TMPRSS7: variants seen among roughly 807,000 people sequenced by gnomAD.
TMPRSS7 encodes the protein transmembrane serine protease 7.
In TMPRSS7, 81 loss-of-function variants were observed where a neutral mutation model predicts 95.6. The ratio of observed to expected loss-of-function variants is 0.85; its 90% CI spans 0.71 to 1.02. The LOEUF (loss-of-function observed/expected upper bound fraction) is 1.02. Ranked by LOEUF, TMPRSS7 falls within the 50% of genes least tolerant of loss-of-function variation. The probability of loss-of-function intolerance (pLI) is 0.00; values close to 1 mark genes in which losing one functional copy is unlikely to be tolerated. For synonymous variants in TMPRSS7, 364 were observed against 337.8 expected (o/e 1.08, Z -0.85); for missense variants, 945 against 955.2 (o/e 0.99, Z 0.14).
intron 15 of TMPRSS7, 48 bp from the exon 16 acceptor site, chr3:112,076,828 T>C (rs2073714875): frequency 6.3e-7 from 1 of 1,589,156 alleles, no homozygotes; most frequent in Non-Finnish European, 8.6e-7. Context: ...GCAAACTGTA[T>C]GTGGTTCTTT....
chr3:112,080,489 T>G (rs994157006), intron 17 of TMPRSS7, among the ~76,000 whole-genome samples: 1 of 152,034 alleles, frequency 6.6e-6, no homozygotes, highest in Admixed American at 6.5e-5. Flanking sequence ...TCTAAACGAT[T>G]CTTAGCACAT....
intron 17 of TMPRSS7, among the ~76,000 whole-genome samples, chr3:112,079,728 T>TA (rs975596857): frequency 6.6e-6 from 1 of 152,176 alleles, no homozygotes; most frequent in African/African-American, 2.4e-5. Context: ...ACTCATCCTA[T>TA]AATAATGACT....
Position 112,063,575 on chromosome 3 carries a change from G to GC in TMPRSS7, c.1501dup (p.Gln501ProfsTer4). The GC allele has an allele frequency of 6.2e-7, 1 of 1,614,060 alleles. No individual in the cohort carries two copies. Among genetic ancestry groups the GC allele is most frequent in the Non-Finnish European group, 8.5e-7 (1 of 1,179,982 alleles). On this transcript the variant is annotated frameshift_variant, in exon 12 of 18. Coordinates refer to ENST00000452346, the Ensembl canonical transcript of TMPRSS7. LOFTEE classifies it high-confidence loss of function. ...CTCCTCCGGTTTATGTGTCCCTCAGGCCCAGCGTTGTGATGGAGTAAATGA... is the reference window on the plus strand; with the variant it reads ...CTCCTCCGGTTTATGTGTCCCTCAGGCCCCAGCGTTGTGATGGAGTAAATGA...
chr3:112,080,789 A>T, intron 17 of TMPRSS7, 125 bp from the exon 18 acceptor site: 1 of 839,536 alleles, frequency 1.2e-6, no homozygotes, highest in Non-Finnish European at 1.7e-6. Context: ...CAAATTACAG[A>T]GTGATTAGCC....
At chr3:112,072,253 T>C (rs969722375) in intron 13 of TMPRSS7, among the ~76,000 whole-genome samples, 3 of 152,246 alleles carry the variant, frequency 2.0e-5, no homozygotes, top group African/African-American at 4.8e-5. Context: ...CTCCAGATGC[T>C]GTTTTCCTGG....
rs980685387 is a variant in TMPRSS7 at position 112,045,980 on chromosome 3, T to C, written c.691+37T>C. The C allele has an allele frequency of 3.4e-5, 51 of 1,491,582 alleles. 1 individual carries two copies. The highest frequency in any genetic ancestry group is 8.2e-5 in the Admixed American group (4 of 48,784). The allele number at this position is 1,491,582 out of a possible 1,614,324, so 92.4% of individuals were successfully genotyped here. A position where few individuals can be genotyped will look rare whatever the true frequency, so the allele number is the denominator to read the frequency against. On this transcript the variant is annotated intron_variant, in intron 5 of 17. Transcript: ENST00000452346. The stretch of plus-strand genomic sequence containing the variant: ...GTAATTTTCCTTTAGCATTCCTTCC[T>C]GCAGGACTCCTGATACTTGCCATGA...
intron 15 of TMPRSS7, among the ~76,000 whole-genome samples, chr3:112,075,965 A>AT (rs770585506): frequency 6.0e-4 from 90 of 149,604 alleles, no homozygotes; most frequent in Admixed American, 1.5e-3. Context: ...CTCATTCTGC[A>AT]TTTTTTTTTT....
intron 9 of TMPRSS7, among the ~76,000 whole-genome samples, chr3:112,052,046 C>T (rs1285640357): frequency 6.6e-6 from 1 of 151,968 alleles, no homozygotes; most frequent in Non-Finnish European, 1.5e-5. Flanking sequence ...AGCTTACCTT[C>T]CAGTAGGGGA....
At chr3:112,063,625 G>A in exon 12 of TMPRSS7, 4 of 1,613,632 alleles carry the variant, frequency 2.5e-6, no homozygotes, top group Non-Finnish European at 3.4e-6. Flanking sequence ...GTGATGAACT[G>A]TTTTGCGGTG....
Position 112,076,883 on chromosome 3 carries a change from G to T in TMPRSS7, c.1963G>T (p.Asp655Tyr), listed in dbSNP as rs1215967083. 5 of 1,613,898 alleles carry T rather than the reference G, an allele frequency of 3.1e-6. No individual in the cohort carries two copies. The South Asian group carries it at 4.4e-5, about 14-fold the overall frequency. ...TCATTACTGTTCTATCAGGCTGTCA[G>T]ATCCCACACCATGGACTGCACACCT... The change falls in exon 16 of 18, where the codon GAT becomes TAT. Residue 655 changes from aspartate (D) to tyrosine (Y), a missense_variant. Physicochemically the swap from Asp to Tyr is radical, Grantham distance 160. Transcript: ENST00000452346.
intron 14 of TMPRSS7, 41 bp from the exon 15 acceptor site, chr3:112,075,280 C>T: frequency 7.3e-7 from 1 of 1,362,468 alleles, no homozygotes; most frequent in Non-Finnish European, 9.5e-7. Context: ...AGTTTTTCTT[C>T]CAAGTCTACC....
At chr3:112,051,583 A>C (rs1232284163) in intron 9 of TMPRSS7, among the ~76,000 whole-genome samples, 7 of 148,926 alleles carry the variant, frequency 4.7e-5, no homozygotes, top group Non-Finnish European at 1.5e-5. Flanking sequence ...ATCTATCTAT[A>C]TCTATCTCTA....
At chr3:112,079,784 C>G (rs1043932904) in intron 17 of TMPRSS7, among the ~76,000 whole-genome samples, 2 of 152,154 alleles carry the variant, frequency 1.3e-5, no homozygotes, top group African/African-American at 4.8e-5. Context: ...GTGCTAGGTT[C>G]TTTACATAAA....
At chr3:112,066,524 C>A (rs375598070) in intron 13 of TMPRSS7, 22 bp downstream of exon 13, 11 of 1,598,004 alleles carry the variant, frequency 6.9e-6, no homozygotes, top group Admixed American at 1.7e-5. Flanking sequence ...TCCTCTGTGC[C>A]CTGCTGTTCC....
chr3:112,049,089 C>A (rs1256833393), intron 7 of TMPRSS7, among the ~76,000 whole-genome samples: 14 of 152,196 alleles, frequency 9.2e-5, no homozygotes, highest in Admixed American at 7.2e-4. Context: ...AAAGAGAAAG[C>A]ACCCTGGATT....
chr3:112,078,716 A>G (rs375368179), intron 16 of TMPRSS7, 26 bp from the exon 17 acceptor site: 546 of 1,613,614 alleles, frequency 3.4e-4, no homozygotes, highest in Non-Finnish European at 4.2e-4. Flanking sequence ...CACTAACATC[A>G]TTTCTACTTC....
At chr3:112,038,128 A>T (rs563374788) in exon 2 of TMPRSS7, 1 of 702,800 alleles carries the variant, frequency 1.4e-6, no homozygotes, top group Non-Finnish European at 2.6e-6. Context: ...CAGTGAGACG[A>T]CCACCGTTGC....
intron 1 of TMPRSS7, among the ~76,000 whole-genome samples, chr3:112,036,751 C>G (rs564014131): frequency 6.6e-6 from 1 of 152,098 alleles, no homozygotes; most frequent in South Asian, 2.1e-4. Flanking sequence ...GAAACTGTTG[C>G]GGGAAGTCAG....
chr3:112,080,849 A>G, intron 17 of TMPRSS7, 65 bp from the exon 18 acceptor site: 1 of 1,500,742 alleles, frequency 6.7e-7, no homozygotes, highest in East Asian at 2.4e-5. Flanking sequence ...CATTAGATAC[A>G]ATAAAGATGA....
Sources: allele counts gnomAD v4.1 joint callset (sites outside exome capture counted in the v4.1 genomes callset), GRCh38; gene constraint gnomAD v4.1.1; transcripts MANE v1.5; gene names NCBI Gene and HGNC (gene_info 2026-07-23, HGNC 2026-07-21).